Variants in MAP3K5 observed in about 807,000 individuals in gnomAD.
MAP3K5 encodes mitogen-activated protein kinase kinase kinase 5, also known as ASK-1.
Under a neutral mutation model 158.7 loss-of-function variants are expected in MAP3K5, and 56 were observed. The ratio of observed to expected loss-of-function variants is 0.35; its 90% CI spans 0.28 to 0.44. MAP3K5 has a LOEUF of 0.44. MAP3K5 is among the 20% of genes least tolerant of loss of function. MAP3K5 has a pLI of 1.00. For missense variants in MAP3K5, 1,294 were observed against 1,674.8 expected (o/e 0.77, Z 3.97); for synonymous variants, 579 against 601.7 (o/e 0.96, Z 0.55).
intron 1 of MAP3K5, among the ~76,000 whole-genome samples, chr6:136,761,341 G>C (rs994121937): frequency 2.7e-5 from 4 of 146,838 alleles, no homozygotes; most frequent in Non-Finnish European, 6.0e-5. Context: ...CCACTAAAAT[G>C]CAAGAGTGCA....
At chr6:136,767,632 CG>C (rs1562689062) in intron 1 of MAP3K5, among the ~76,000 whole-genome samples, 1 of 152,008 alleles carries the variant, frequency 6.6e-6, no homozygotes, top group East Asian at 1.9e-4. Flanking sequence ...GAAAGAATAT[CG>C]GGGACAGTTA....
At chr6:136,786,152 T>C (rs1010815493) in intron 1 of MAP3K5, among the ~76,000 whole-genome samples, 3 of 152,068 alleles carry the variant, frequency 2.0e-5, no homozygotes, top group Admixed American at 6.6e-5. Flanking sequence ...GGCAGGCAGA[T>C]CACTCCTGAG....
At chr6:136,608,470 G>A (rs1297712951) in intron 18 of MAP3K5, among the ~76,000 whole-genome samples, 2 of 152,154 alleles carry the variant, frequency 1.3e-5, no homozygotes, top group Non-Finnish European at 2.9e-5. Context: ...CCCAATGTTG[G>A]ACATGTTTTG....
chr6:136,575,449 T>C (rs999369818), intron 25 of MAP3K5, among the ~76,000 whole-genome samples: 2 of 152,078 alleles, frequency 1.3e-5, no homozygotes, highest in Admixed American at 6.6e-5. Context: ...TAGATGTGAG[T>C]CACCACACCT....
At chr6:136,602,050 A>T in intron 19 of MAP3K5, 71 bp from the exon 20 acceptor site, 1 of 1,250,220 alleles carries the variant, frequency 8.0e-7, no homozygotes, top group Non-Finnish European at 1.1e-6. Flanking sequence ...TCCAGCTTCC[A>T]TAACTTGACC....
At chr6:136,787,533 G>T (rs1784901187) in intron 1 of MAP3K5, among the ~76,000 whole-genome samples, 2 of 152,220 alleles carry the variant, frequency 1.3e-5, no homozygotes, top group Admixed American at 6.5e-5. Flanking sequence ...GGCTTTAAAT[G>T]ACTTGCTCCA....
chr6:136,725,367 G>A (rs1781923968), intron 1 of MAP3K5, among the ~76,000 whole-genome samples: 1 of 152,132 alleles, frequency 6.6e-6, no homozygotes, highest in Admixed American at 6.5e-5. Flanking sequence ...TCAGCGCTTG[G>A]TATTGTCCGT....
At chr6:136,703,683 A>G (rs1237273054) in intron 3 of MAP3K5, among the ~76,000 whole-genome samples, 1 of 152,244 alleles carries the variant, frequency 6.6e-6, no homozygotes, top group African/African-American at 2.4e-5. Context: ...TCCTGTTGAG[A>G]TAGGAAGGAT....
chr6:136,752,915 T>C (rs1783283556), intron 1 of MAP3K5, among the ~76,000 whole-genome samples: 1 of 152,198 alleles, frequency 6.6e-6, no homozygotes, highest in Non-Finnish European at 1.5e-5. Flanking sequence ...CTCTGCCTGG[T>C]ACATGCTCAT....
intron 1 of MAP3K5, among the ~76,000 whole-genome samples, chr6:136,782,949 G>T (rs1364910893): frequency 1.3e-5 from 2 of 152,106 alleles, no homozygotes; most frequent in Admixed American, 6.6e-5. Context: ...CCACTAACCT[G>T]GCACATATTT....
chr6:136,705,268 G>A (rs769116225), intron 2 of MAP3K5, 135 bp from the exon 3 acceptor site: 3 of 454,492 alleles, frequency 6.6e-6, no homozygotes, highest in African/African-American at 2.1e-5. Context: ...TGTAGATTCA[G>A]TTCCTGCATC....
chr6:136,760,105 A>G (rs1783682358), intron 1 of MAP3K5, among the ~76,000 whole-genome samples: 1 of 152,208 alleles, frequency 6.6e-6, no homozygotes. Context: ...GCACTATTCA[A>G]TTTGTTGATT....
chr6:136,648,463 G>A (rs1778370415), intron 11 of MAP3K5, among the ~76,000 whole-genome samples: 1 of 152,118 alleles, frequency 6.6e-6, no homozygotes, highest in Admixed American at 6.5e-5. Context: ...ATGCTGCTCG[G>A]TATTGCTCAG....
chr6:136,671,662 G>A (rs1352730065), intron 7 of MAP3K5, among the ~76,000 whole-genome samples: 1 of 152,180 alleles, frequency 6.6e-6, no homozygotes, highest in Non-Finnish European at 1.5e-5. Context: ...TGCCTAGGCT[G>A]GAGCGCAGTG....
intron 7 of MAP3K5, among the ~76,000 whole-genome samples, chr6:136,677,590 T>G (rs1278237949): frequency 6.6e-6 from 1 of 152,206 alleles, no homozygotes; most frequent in African/African-American, 2.4e-5. Context: ...TGCTCCACAT[T>G]GTCTTCCATC....
intron 28 of MAP3K5, among the ~76,000 whole-genome samples, chr6:136,559,625 A>G (rs778929366): frequency 6.6e-6 from 1 of 152,250 alleles, no homozygotes; most frequent in Non-Finnish European, 1.5e-5. Flanking sequence ...TTCATGGTTA[A>G]GCAAAGGCAC....
chr6:136,728,945 T>C (rs969003359), intron 1 of MAP3K5, among the ~76,000 whole-genome samples: 2 of 145,528 alleles, frequency 1.4e-5, no homozygotes, highest in African/African-American at 5.2e-5. Context: ...GGGAGAAACC[T>C]AGTGTGGAGG....
At chr6:136,597,544 C>T (rs1436145279) in intron 21 of MAP3K5, among the ~76,000 whole-genome samples, 2 of 152,200 alleles carry the variant, frequency 1.3e-5, no homozygotes, top group Non-Finnish European at 2.9e-5. Flanking sequence ...TAGTGGTTCT[C>T]ACACTGCAGT....
At chr6:136,732,754 T>G (rs1290208734) in intron 1 of MAP3K5, among the ~76,000 whole-genome samples, 1 of 152,210 alleles carries the variant, frequency 6.6e-6, no homozygotes, top group African/African-American at 2.4e-5. Context: ...CGCTTACAAC[T>G]ACAGCAACAG....
Sources: gnomAD v4.1 joint callset for allele counts (sites outside exome capture counted in the v4.1 genomes callset) on GRCh38, gnomAD v4.1.1 for gene constraint, MANE v1.5 for transcripts, NCBI Gene and HGNC (gene_info 2026-07-23, HGNC 2026-07-21) for gene names.